Variants in ZNF675 observed in about 807,000 individuals in gnomAD.
The protein encoded by ZNF675 is TRAF6 inhibitory zinc finger.
In ZNF675, 36 loss-of-function variants were observed where a neutral mutation model predicts 56.1. That is an observed-to-expected ratio of 0.64 (90% confidence interval 0.49 to 0.85). The LOEUF (loss-of-function observed/expected upper bound fraction) is 0.85, where lower values mean the gene tolerates loss of function less well. Among genes scored for constraint, ZNF675 ranks in the 40% least tolerant of loss-of-function variants. ZNF675 has a pLI of 0.00. For missense variants in ZNF675, 663 were observed against 654.2 expected (o/e 1.01, Z -0.15); for synonymous variants, 200 against 218.9 (o/e 0.91, Z 0.76).
chr19:23,661,055 G>C (rs1968070415), intron 3 of ZNF675, among the ~76,000 whole-genome samples: 1 of 151,586 alleles, frequency 6.6e-6, no homozygotes. Context: ...TCAGCCTCCT[G>C]AGTAGCTGGG....
At chr19:23,658,885 A>ATATAGAAATAGATC (rs1968032982) in intron 3 of ZNF675, among the ~76,000 whole-genome samples, 1 of 48,372 alleles carries the variant, frequency 2.1e-5, no homozygotes, top group Non-Finnish European at 4.6e-5. Flanking sequence ...ATATCTATAG[A>ATATAGAAATAGATC]TATAGATCTA....
intron 1 of ZNF675, among the ~76,000 whole-genome samples, chr19:23,663,699 A>T (rs1266242238): frequency 6.6e-6 from 1 of 152,200 alleles, no homozygotes; most frequent in Non-Finnish European, 1.5e-5. Flanking sequence ...CGTGGGCAAC[A>T]AGAGTGAGAC....
At chr19:23,660,437 A>G (rs1390600611) in intron 3 of ZNF675, among the ~76,000 whole-genome samples, 4 of 152,226 alleles carry the variant, frequency 2.6e-5, no homozygotes, top group Admixed American at 6.5e-5. Flanking sequence ...ACATAAGTAA[A>G]AAGTTGCTGG....
intron 1 of ZNF675, among the ~76,000 whole-genome samples, chr19:23,682,662 T>C (rs1968391877): frequency 6.6e-6 from 1 of 151,716 alleles, no homozygotes; most frequent in Non-Finnish European, 1.5e-5. Flanking sequence ...AATAACCTCC[T>C]TTTGCAGGCT....
At chr19:23,682,382 G>A (rs183148507) in intron 1 of ZNF675, among the ~76,000 whole-genome samples, 1 of 151,856 alleles carries the variant, frequency 6.6e-6, no homozygotes, top group Admixed American at 6.6e-5. Context: ...TCCTCCTGTT[G>A]CAATACTCCT....
chr19:23,663,100 A>G lies in ZNF675; in HGVS notation c.62T>C (p.Leu21Pro). 1 of 1,610,926 alleles carries G rather than the reference A, an allele frequency of 6.2e-7. No homozygotes were observed. Among genetic ancestry groups the G allele is most frequent in the Non-Finnish European group, 8.5e-7 (1 of 1,178,618 alleles). The change falls in exon 2 of 4, where the codon CTG (leucine) becomes CCG (proline). Residue 21 changes from leucine to proline, a missense_variant. By Grantham distance (98) the Leu-to-Pro change is moderately conservative. Around this residue, in one of 3 missense-constraint regions of ZNF675, gnomAD observed 33 missense variants for 31.8 expected, o/e 1.04. Coordinates refer to ENST00000359788, the MANE Select transcript of ZNF675 (RefSeq NM_138330.3). ...ATATAAATTCCGCTGTGCAGTGTCCAGGCATTGCCATTCTTCCAGAGAGAA... is the reference window on the plus strand; with the variant it reads ...ATATAAATTCCGCTGTGCAGTGTCCGGGCATTGCCATTCTTCCAGAGAGAA... ...IEFSLEEWQCLDTAQRNLYKN... is the reference protein window; with the variant it reads ...IEFSLEEWQCPDTAQRNLYKN...
At chr19:23,668,770 G>T (rs1195528715) in intron 1 of ZNF675, among the ~76,000 whole-genome samples, 5 of 152,220 alleles carry the variant, frequency 3.3e-5, no homozygotes, top group Admixed American at 2.0e-4. Context: ...GCTGGCCCGG[G>T]TGCTAAGTCC....
At position 23,677,251 on chromosome 19, in the gene ZNF675, G is replaced by A. The variant is rs1258888453; in HGVS notation, c.3+9780C>T. Among the ~76,000 whole-genome samples the A allele has an allele frequency of 2.3e-5, 3 of 132,086 alleles. No homozygotes were observed. In the East Asian group the frequency reaches 6.8e-4, roughly 30 times the overall value. 86.7% of individuals were successfully genotyped at this position (132,086 alleles called of 152,430 possible). A position where few individuals can be genotyped will look rare whatever the true frequency, so the allele number is the denominator to read the frequency against. ...AAGAGGAACTCAAACTATCCCGGGT[G>A]CAGATGACATGACTCTACATCTAAA... On this transcript the variant is annotated intron_variant, in intron 1 of 3. Coordinates refer to ENST00000359788, the MANE Select transcript of ZNF675 (RefSeq NM_138330.3).
chr19:23,668,200 T>C (rs1273494450), intron 1 of ZNF675, among the ~76,000 whole-genome samples: 1 of 150,206 alleles, frequency 6.7e-6, no homozygotes, highest in Admixed American at 6.6e-5. Context: ...TGCCGATTGG[T>C]GTATTTACAA....
intron 1 of ZNF675, among the ~76,000 whole-genome samples, chr19:23,682,987 G>C (rs755197836): frequency 2.6e-5 from 4 of 151,584 alleles, no homozygotes; most frequent in African/African-American, 9.8e-5. Flanking sequence ...TCAGGAGTTC[G>C]AGCCTAGCCT....
At chr19:23,663,745 C>T (rs571879182) in intron 1 of ZNF675, among the ~76,000 whole-genome samples, 27 of 152,294 alleles carry the variant, frequency 1.8e-4, no homozygotes, top group African/African-American at 6.0e-4. Context: ...AGGGCATAAA[C>T]ACAAACACGT....
intron 1 of ZNF675, among the ~76,000 whole-genome samples, chr19:23,677,735 T>G (rs1968318168): frequency 6.8e-6 from 1 of 148,052 alleles, no homozygotes; most frequent in Admixed American, 6.7e-5. Context: ...AAAATCCCAT[T>G]TGCAGTTGCC....
At chr19:23,678,270 T>G (rs1397523138) in intron 1 of ZNF675, among the ~76,000 whole-genome samples, 3 of 150,932 alleles carry the variant, frequency 2.0e-5, no homozygotes, top group African/African-American at 7.4e-5. Context: ...TCTTTTTTTT[T>G]TTTTTTGACG....
chr19:23,655,792 T>C (rs1411034457), intron 3 of ZNF675: 3 of 152,224 alleles, frequency 2.0e-5, no homozygotes, highest in Admixed American at 2.0e-4. Flanking sequence ...TGGTGTATTC[T>C]GTTAGGACAC....
chr19:23,678,279 CG>C (rs1968327347), intron 1 of ZNF675, among the ~76,000 whole-genome samples: 1 of 118,430 alleles, frequency 8.4e-6, no homozygotes, highest in Non-Finnish European at 1.7e-5. Flanking sequence ...TTTTTTTTGA[CG>C]GAGTTTGGTT....
In ZNF675 at chr19:23,666,816, C is replaced by T. The variant is rs73568852; in HGVS notation, c.4-3658G>A. ...TTTCTCTCTCTCTCCTCCCCTCCCC[C>T]CAACCCAGGGCCACTTTTTGATGAA... On this transcript the variant is annotated intron_variant, in intron 1 of 3. Transcript: ENST00000359788. Among the ~76,000 whole-genome samples, 191 of 151,592 alleles carry T rather than the reference C, an allele frequency of 1.3e-3. 2 individuals are homozygous for T. The highest frequency in any genetic ancestry group is 4.1e-3 in the African/African-American group (170 of 41,460).
chr19:23,676,882 G>A (rs1488660693), intron 1 of ZNF675, among the ~76,000 whole-genome samples: 3 of 151,180 alleles, frequency 2.0e-5, no homozygotes, highest in Non-Finnish European at 4.4e-5. Flanking sequence ...AGACCATCCT[G>A]GCTAACATGG....
rs765172609 is a variant in ZNF675, at chr19:23,654,027, A to G, written c.906T>C (p.His302=). 10 of 1,613,664 alleles carry G rather than the reference A, an allele frequency of 6.2e-6. No individual in the cohort carries two copies. In the Admixed American group the frequency reaches 1.7e-4, roughly 27 times the overall value. ...AFNQFSNLTT[H]KKIHTGEQPY... is the part of the protein sequence containing the mutation. ...GTTGCTCTCCAGTATGAATTTTTTT[A>G]TGTGTAGTAAGATTTGAGAACTGGT... Residue 302 remains histidine (H), a synonymous_variant, in exon 4 of 4, where the codon CAT becomes CAC. Coordinates refer to ENST00000359788, the MANE Select transcript of ZNF675 (RefSeq NM_138330.3).
intron 3 of ZNF675, chr19:23,656,612 G>A (rs1169840797): frequency 6.7e-6 from 1 of 148,676 alleles, no homozygotes; most frequent in African/African-American, 2.5e-5. Flanking sequence ...AACAAAAAAG[G>A]TATACACACA....
Sources: allele counts gnomAD v4.1 joint callset (sites outside exome capture counted in the v4.1 genomes callset), GRCh38; gene constraint gnomAD v4.1.1; regional missense constraint gnomAD v4.1.1; transcripts MANE v1.5; gene names NCBI Gene and HGNC (gene_info 2026-07-23, HGNC 2026-07-21).